The following INPP4B variants were observed in gnomAD, a reference collection of about 807,000 sequenced individuals.
INPP4B encodes inositol polyphosphate-4-phosphatase type II B, also known as inositol polyphosphate 4-phosphatase type II.
In INPP4B, 55 loss-of-function variants were observed where a neutral mutation model predicts 122.5. The ratio of observed to expected loss-of-function variants is 0.45; its 90% CI spans 0.36 to 0.56. The LOEUF is 0.56. Ranked by LOEUF, INPP4B falls within the 20% of genes least tolerant of loss-of-function variation. The pLI, the probability that INPP4B is intolerant of heterozygous loss-of-function variation, is 0.00. For missense variants in INPP4B, 1,000 were observed against 1,097.7 expected (o/e 0.91, Z 1.26); for synonymous variants, 403 against 388.7 (o/e 1.04, Z -0.43).
chr4:142,625,962 C>T (rs142555664), intron 2 of INPP4B, among the ~76,000 whole-genome samples: 33 of 152,224 alleles, frequency 2.2e-4, no homozygotes, highest in African/African-American at 6.5e-4. Context: ...CCCTTCCTTA[C>T]GCCTTATACA....
chr4:142,710,450 T>C (rs1023995285), intron 2 of INPP4B, among the ~76,000 whole-genome samples: 7 of 152,200 alleles, frequency 4.6e-5, no homozygotes, highest in African/African-American at 1.2e-4. Flanking sequence ...CATATGATCA[T>C]GTTTTTGAAA....
At chr4:142,338,380 C>T (rs1324568691) in intron 7 of INPP4B, among the ~76,000 whole-genome samples, 7 of 151,954 alleles carry the variant, frequency 4.6e-5, no homozygotes, top group South Asian at 2.1e-4. Flanking sequence ...GGACTACAGG[C>T]GCCCGCCACC....
intron 2 of INPP4B, among the ~76,000 whole-genome samples, chr4:142,517,319 A>G (rs1264535534): frequency 2.0e-5 from 3 of 152,014 alleles, no homozygotes. Flanking sequence ...GCAGTAACAG[A>G]GTTATTCATG....
At chr4:142,764,848 C>T (rs1024641660) in intron 1 of INPP4B, among the ~76,000 whole-genome samples, 3 of 151,850 alleles carry the variant, frequency 2.0e-5, no homozygotes, top group Non-Finnish European at 4.4e-5. Flanking sequence ...GCTAGACCAT[C>T]GAGGCCCTTA....
intron 9 of INPP4B, among the ~76,000 whole-genome samples, chr4:142,277,542 AG>A (rs1352768161): frequency 2.0e-5 from 3 of 152,010 alleles, no homozygotes; most frequent in East Asian, 3.9e-4. Context: ...ATCTACCCAG[AG>A]GAAAATAACT....
chr4:142,737,803 T>C (rs1287524508), intron 1 of INPP4B, among the ~76,000 whole-genome samples: 6 of 152,118 alleles, frequency 3.9e-5, no homozygotes, highest in Non-Finnish European at 8.8e-5. Context: ...GCGAAGGATA[T>C]GAACAGACAC....
At chr4:142,281,495 T>C (rs902782981) in intron 9 of INPP4B, among the ~76,000 whole-genome samples, 1 of 152,106 alleles carries the variant, frequency 6.6e-6, no homozygotes, top group Admixed American at 6.6e-5. Flanking sequence ...CAGTATTAAA[T>C]GCTAGTGATG....
At chr4:142,049,883 C>T (rs1560940864) in intron 25 of INPP4B, among the ~76,000 whole-genome samples, 1 of 151,358 alleles carries the variant, frequency 6.6e-6, no homozygotes, top group Non-Finnish European at 1.5e-5. Context: ...CATTTTGTGA[C>T]AAAATTAATA....
At chr4:142,318,169 CAA>C (rs1768526202) in intron 7 of INPP4B, among the ~76,000 whole-genome samples, 1 of 151,808 alleles carries the variant, frequency 6.6e-6, no homozygotes, top group South Asian at 2.1e-4. Context: ...TTCAGCACTG[CAA>C]ACAGTACGTG....
rs908205458 is a variant in INPP4B at position 142,026,488 on chromosome 4, T to C, written c.*2294A>G. On this transcript the variant is annotated 3_prime_UTR_variant, in exon 26 of 26. Transcript: ENST00000262992. ...ATTCATTTATTTACTTATTTAAAGA[T>C]GGAGTTTCGCTCTTTTCACCCAGGC... 1.3e-5 allele frequency: 2 copies of C among 152,226 alleles called. No homozygotes were observed. The highest frequency in any genetic ancestry group is 4.8e-5 in the African/African-American group (2 of 41,468). 9.4% of individuals were successfully genotyped at this position (152,226 alleles called of 1,614,324 possible).
At chr4:142,563,902 T>A (rs1731006724) in intron 2 of INPP4B, among the ~76,000 whole-genome samples, 1 of 152,144 alleles carries the variant, frequency 6.6e-6, no homozygotes, top group South Asian at 2.1e-4. Context: ...GCAGAGCCTT[T>A]TCACTGACCA....
intron 2 of INPP4B, among the ~76,000 whole-genome samples, chr4:142,676,051 C>T (rs1757715547): frequency 6.6e-6 from 1 of 152,106 alleles, no homozygotes; most frequent in African/African-American, 2.4e-5. Flanking sequence ...GAGAGGAAGT[C>T]AAATTGTCTC....
intron 3 of INPP4B, among the ~76,000 whole-genome samples, chr4:142,433,547 A>T (rs1306795785): frequency 6.6e-6 from 1 of 152,218 alleles, no homozygotes; most frequent in East Asian, 1.9e-4. Context: ...ATATTTGTTA[A>T]TATTTTGTAC....
chr4:142,030,195 A>T, intron 25 of INPP4B: 2 of 1,535,692 alleles, frequency 1.3e-6, no homozygotes, highest in Non-Finnish European at 1.7e-6. Context: ...GTGTGAGCTG[A>T]CAAGCAGCAA....
intron 18 of INPP4B, among the ~76,000 whole-genome samples, chr4:142,142,274 C>T (rs750049950): frequency 5.9e-5 from 9 of 151,988 alleles, no homozygotes; most frequent in Non-Finnish European, 1.2e-4. Context: ...TATACAATGT[C>T]AAACTTCACA....
chr4:142,589,583 C>T (rs920864393), intron 2 of INPP4B, among the ~76,000 whole-genome samples: 5 of 152,096 alleles, frequency 3.3e-5, no homozygotes, highest in Non-Finnish European at 5.9e-5. Context: ...GATACCTCTA[C>T]ATGCCTATTA....
At chr4:142,176,111 G>A (rs1579176884) in intron 15 of INPP4B, among the ~76,000 whole-genome samples, 1 of 78,160 alleles carries the variant, frequency 1.3e-5, no homozygotes, top group Admixed American at 1.5e-4. Flanking sequence ...TCACATGACT[G>A]CTTTCTTTTA....
chr4:142,427,529 A>G (rs1383038625), intron 5 of INPP4B: 3 of 625,378 alleles, frequency 4.8e-6, no homozygotes, highest in Non-Finnish European at 8.7e-6. Flanking sequence ...TTGGCTTTCT[A>G]AACAAACAGC....
intron 15 of INPP4B, among the ~76,000 whole-genome samples, chr4:142,177,992 A>T (rs1262740909): frequency 1.3e-5 from 2 of 152,108 alleles, no homozygotes; most frequent in African/African-American, 4.8e-5. Flanking sequence ...TTAAATACAC[A>T]TGTTGCACTA....
Sources: gnomAD v4.1 joint callset for allele counts (sites outside exome capture counted in the v4.1 genomes callset) on GRCh38, gnomAD v4.1.1 for gene constraint, MANE v1.5 for transcripts, NCBI Gene and HGNC (gene_info 2026-07-23, HGNC 2026-07-21) for gene names.